The following ROBO2 variants were observed in gnomAD, a reference collection of about 807,000 sequenced individuals.
ROBO2 encodes roundabout homolog 2.
In ROBO2, 53 loss-of-function variants were observed where a neutral mutation model predicts 160.8. That is an observed-to-expected ratio of 0.33 (90% CI 0.26 to 0.41). The LOEUF (loss-of-function observed/expected upper bound fraction) is 0.41. Among genes scored for constraint, ROBO2 ranks in the 10% least tolerant of loss-of-function variants. The pLI is 1.00. For synonymous variants in ROBO2, 664 were observed against 611.7 expected, an observed-to-expected ratio of 1.09 and a Z score of -1.26; for missense variants, 1,577 against 1,722.4, an observed-to-expected ratio of 0.92 and a Z score of 1.49.
chr3:76,778,108 T>C (rs898629416), intron 2 of ROBO2, among the ~76,000 whole-genome samples: 5 of 151,066 alleles, frequency 3.3e-5, no homozygotes, highest in African/African-American at 1.2e-4. Context: ...TGTCAGGATG[T>C]GGCCATTAAG....
intron 2 of ROBO2, among the ~76,000 whole-genome samples, chr3:76,285,806 TCTTA>T (rs1212369734): frequency 6.6e-6 from 1 of 152,190 alleles, no homozygotes; most frequent in South Asian, 2.1e-4. Context: ...TGTTTGTATA[TCTTA>T]AGCAGCATCT....
intron 2 of ROBO2, among the ~76,000 whole-genome samples, chr3:76,804,861 A>G (rs1429445454): frequency 6.6e-6 from 1 of 152,200 alleles, no homozygotes; most frequent in Admixed American, 6.5e-5. Context: ...GCTCTTCGTA[A>G]TAAACGCACT....
rs71629626 is a variant in ROBO2, at chr3:76,938,971, CAAAAAAAAA to C, written c.110-159026_110-159018del. 7.9e-5 allele frequency among the ~76,000 whole-genome samples: 9 copies of C among 114,612 alleles called. No individual in the cohort carries two copies. The South Asian group carries it at 1.4e-3, about 17-fold the overall frequency. 75.2% of individuals were successfully genotyped at this position (114,612 alleles called of 152,430 possible). A position where few individuals can be genotyped will look rare whatever the true frequency, so the allele number is the denominator to read the frequency against. ...GGGCGACAAGAGCAAAACTCAGTCT[CAAAAAAAAA>C]AAAAAAAAAAAAAAAAGTAGCCCCA... On this transcript the variant is annotated intron_variant, in intron 2 of 26. Transcript: ENST00000487694.
intron 2 of ROBO2, among the ~76,000 whole-genome samples, chr3:76,275,901 T>C (rs1707889584): frequency 6.6e-6 from 1 of 152,006 alleles, no homozygotes; most frequent in African/African-American, 2.4e-5. Context: ...TTATAAAATG[T>C]AAAGACAAAA....
At chr3:77,159,529 C>T (rs1430045870) in intron 2 of ROBO2, among the ~76,000 whole-genome samples, 1 of 152,098 alleles carries the variant, frequency 6.6e-6, no homozygotes, top group Non-Finnish European at 1.5e-5. Context: ...AACTTGTATT[C>T]AATACTGTTC....
At chr3:76,449,607 C>G (rs1170695806) in intron 2 of ROBO2, among the ~76,000 whole-genome samples, 12 of 152,108 alleles carry the variant, frequency 7.9e-5, no homozygotes, top group Admixed American at 7.9e-4. Context: ...GCTACAGTTC[C>G]TGCAGTTAGA....
intron 1 of ROBO2, among the ~76,000 whole-genome samples, chr3:77,087,582 T>C (rs2069492876): frequency 6.6e-6 from 1 of 152,114 alleles, no homozygotes; most frequent in Non-Finnish European, 1.5e-5. Context: ...ATTTATAAAG[T>C]AGAAGAGTAA....
rs995968459 is a variant in ROBO2 at position 77,601,724 on chromosome 3, T to A, written c.2855-486T>A. On this transcript the variant is annotated intron_variant, in intron 19 of 25. Transcript: ENST00000461745. ...AAATCACACAATAAGTGGCAAGTTA[T>A]AGCTTCAAAAAATATACTTCATAGT... Among the ~76,000 whole-genome samples the A allele has an allele frequency of 4.6e-5, 7 of 152,136 alleles. 1 individual carries two copies. Among genetic ancestry groups the A allele is most frequent in the African/African-American group, 9.7e-5 (4 of 41,382 alleles).
chr3:77,015,526 A>G (rs2062184738), intron 2 of ROBO2, among the ~76,000 whole-genome samples: 1 of 152,210 alleles, frequency 6.6e-6, no homozygotes, highest in Non-Finnish European at 1.5e-5. Context: ...TATGCAAATT[A>G]GATTCTAGGA....
chr3:76,236,563 T>C (rs1446505736), intron 2 of ROBO2, among the ~76,000 whole-genome samples: 1 of 152,162 alleles, frequency 6.6e-6, no homozygotes, highest in African/African-American at 2.4e-5. Flanking sequence ...CGTGTTACTT[T>C]CTACTAAGTA....
intron 2 of ROBO2, among the ~76,000 whole-genome samples, chr3:76,828,304 C>T (rs935042711): frequency 1.3e-5 from 2 of 151,958 alleles, no homozygotes; most frequent in Non-Finnish European, 2.9e-5. Context: ...TTCCTTTATA[C>T]ACTTTATTTT....
chr3:76,910,858 A>AG (rs2075951988), intron 2 of ROBO2, among the ~76,000 whole-genome samples: 2 of 151,882 alleles, frequency 1.3e-5, no homozygotes, highest in South Asian at 4.2e-4. Context: ...CCTTTTGAGG[A>AG]GGGGCATATA....
intron 1 of ROBO2, among the ~76,000 whole-genome samples, chr3:77,076,509 A>AT (rs61597387): frequency 4.0e-5 from 6 of 151,844 alleles, no homozygotes; most frequent in South Asian, 2.1e-4. Context: ...AGGAAAATAA[A>AT]TTTTTTTTCT....
At chr3:76,433,496 AT>A (rs2076531032) in intron 2 of ROBO2, among the ~76,000 whole-genome samples, 1 of 152,210 alleles carries the variant, frequency 6.6e-6, no homozygotes, top group African/African-American at 2.4e-5. Flanking sequence ...ACATAATAAA[AT>A]TTTAAATAGT....
Position 76,462,542 on chromosome 3 carries a change from A to G in ROBO2, c.109+524940A>G, listed in dbSNP as rs11713653. On this transcript the variant is annotated intron_variant, in intron 2 of 26. Transcript: ENST00000487694. ...GTATTTTATGGTGCAATTATAGATT[A>G]CAAAGATCAGCAATTTGTAACTAAC... Among the ~76,000 whole-genome samples, 842 of 152,164 alleles carry G rather than the reference A, an allele frequency of 5.5e-3. 20 individuals carry two copies. Among genetic ancestry groups the G allele is most frequent in the East Asian group, 0.041 (210 of 5,160 alleles).
chr3:77,523,863 C>T (rs904125853), intron 6 of ROBO2, among the ~76,000 whole-genome samples: 5 of 151,420 alleles, frequency 3.3e-5, no homozygotes, highest in African/African-American at 1.2e-4. Flanking sequence ...TTACATCTTA[C>T]CCCATTTAGT....
intron 2 of ROBO2, among the ~76,000 whole-genome samples, chr3:76,439,072 T>A (rs891972217): frequency 1.3e-5 from 2 of 152,128 alleles, no homozygotes; most frequent in Non-Finnish European, 2.9e-5. Context: ...TTCTAGAGAA[T>A]AACCACAAAG....
At position 77,040,615 on chromosome 3, in the gene ROBO2, G is replaced by C. The variant is rs967455135; in HGVS notation, c.-171G>C. Reference sequence around the variant, plus strand: ...GGATGGATCTCAGTGTGCCCCGTTCGAGACCTCTCCACCAACCCCTTCTGA... The same window carrying C: ...GGATGGATCTCAGTGTGCCCCGTTCCAGACCTCTCCACCAACCCCTTCTGA... On this transcript the variant is annotated 5_prime_UTR_variant, in exon 1 of 26. Coordinates refer to ENST00000461745, the Ensembl canonical transcript of ROBO2. 3.4e-6 allele frequency: 5 copies of C among 1,475,014 alleles called. No homozygotes were observed. The African/African-American group carries it at 7.1e-5, about 21-fold the overall frequency. The allele number at this position is 1,475,014 out of a possible 1,614,324, so 91.4% of individuals were successfully genotyped here.
chr3:77,547,244 TA>T (rs1291082815), intron 7 of ROBO2, among the ~76,000 whole-genome samples: 4 of 152,082 alleles, frequency 2.6e-5, no homozygotes, highest in Non-Finnish European at 5.9e-5. Context: ...AAAACTAGAT[TA>T]AAAATTGTGT....
Sources: gnomAD v4.1 joint callset for allele counts (sites outside exome capture counted in the v4.1 genomes callset) on GRCh38, gnomAD v4.1.1 for gene constraint, MANE v1.5 for transcripts, NCBI Gene and HGNC (gene_info 2026-07-23, HGNC 2026-07-21) for gene names.